Variants in RCAN2 observed in about 807,000 individuals in gnomAD.
The protein encoded by RCAN2 is calcipressin-2.
RCAN2 carries 9 observed loss-of-function variants against 23.6 expected under a neutral mutation model. The ratio of observed to expected loss-of-function variants is 0.38; its 90% CI spans 0.23 to 0.67. The LOEUF (loss-of-function observed/expected upper bound fraction) is 0.67. Ranked by LOEUF, RCAN2 falls within the 30% of genes least tolerant of loss-of-function variation. RCAN2 has a pLI of 0.51. For synonymous variants in RCAN2, 109 were observed against 115.7 expected, an observed-to-expected ratio of 0.94 and a Z score of 0.37; for missense variants, 273 against 302.3, an observed-to-expected ratio of 0.90 and a Z score of 0.72.
chr6:46,390,535 T>C (rs1306891608), intron 2 of RCAN2, among the ~76,000 whole-genome samples: 1 of 152,252 alleles, frequency 6.6e-6, no homozygotes, highest in African/African-American at 2.4e-5. Flanking sequence ...ACGTTATTTT[T>C]ACCTAATGCA....
intron 1 of RCAN2, among the ~76,000 whole-genome samples, chr6:46,466,191 G>A (rs1768376406): frequency 1.3e-5 from 2 of 152,134 alleles, no homozygotes; most frequent in African/African-American, 4.8e-5. Context: ...TTCACAGGAG[G>A]GCAACACTTC....
At chr6:46,325,293 T>C in intron 2 of RCAN2, 12 of 1,336,816 alleles carry the variant, frequency 9.0e-6, no homozygotes, top group Non-Finnish European at 1.1e-5. Context: ...GACTATGAGC[T>C]GAAAACTATT....
At chr6:46,343,662 A>ACCACAC (rs1469392366) in intron 2 of RCAN2, among the ~76,000 whole-genome samples, 3 of 152,220 alleles carry the variant, frequency 2.0e-5, no homozygotes, top group South Asian at 2.1e-4. Context: ...GGCATGAGCC[A>ACCACAC]CCACACCTAG....
chr6:46,223,731 C>T (rs1441860759), intron 4 of RCAN2, among the ~76,000 whole-genome samples: 1 of 152,198 alleles, frequency 6.6e-6, no homozygotes, highest in Non-Finnish European at 1.5e-5. Flanking sequence ...GAGTTCCCCT[C>T]CAGCTCTACA....
chr6:46,243,776 C>T (rs1269229282), intron 4 of RCAN2, among the ~76,000 whole-genome samples: 1 of 144,348 alleles, frequency 6.9e-6, no homozygotes, highest in Non-Finnish European at 1.5e-5. Context: ...TGCCACTGCA[C>T]TCCAGCCTGG....
chr6:46,477,855 G>C (rs529172585), intron 1 of RCAN2, among the ~76,000 whole-genome samples: 1 of 152,098 alleles, frequency 6.6e-6, no homozygotes, highest in Non-Finnish European at 1.5e-5. Flanking sequence ...GAACAGAAAA[G>C]CTCCTACCAT....
At chr6:46,299,245 A>T (rs1271824867) in intron 2 of RCAN2, among the ~76,000 whole-genome samples, 2 of 152,064 alleles carry the variant, frequency 1.3e-5, no homozygotes, top group African/African-American at 4.8e-5. Context: ...AGAAAGATGC[A>T]CCTAACTTAA....
At chr6:46,441,540 A>T (rs914290474) in intron 2 of RCAN2, among the ~76,000 whole-genome samples, 2 of 152,192 alleles carry the variant, frequency 1.3e-5, no homozygotes, top group African/African-American at 4.8e-5. Context: ...ATAGCTAAAA[A>T]TTTTTTGGGG....
chr6:46,474,289 G>T (rs986874674), intron 1 of RCAN2, among the ~76,000 whole-genome samples: 1 of 151,608 alleles, frequency 6.6e-6, no homozygotes, highest in African/African-American at 2.4e-5. Context: ...AGAGGGGAGA[G>T]CTTACTACAT....
intron 1 of RCAN2, among the ~76,000 whole-genome samples, chr6:46,489,930 C>G (rs1052524307): frequency 1.3e-5 from 2 of 152,204 alleles, no homozygotes; most frequent in Non-Finnish European, 2.9e-5. Context: ...TGAAAAGCAG[C>G]CAAATGCTCA....
At chr6:46,315,083 C>T (rs1763392109) in intron 2 of RCAN2, among the ~76,000 whole-genome samples, 1 of 152,182 alleles carries the variant, frequency 6.6e-6, no homozygotes, top group African/African-American at 2.4e-5. Context: ...TTCTGCTATG[C>T]ACATTACTCT....
intron 2 of RCAN2, among the ~76,000 whole-genome samples, chr6:46,343,253 G>GA (rs1764384187): frequency 6.6e-6 from 1 of 151,436 alleles, no homozygotes. Flanking sequence ...TTAAGTCAAG[G>GA]AAAAAAAGAT....
At chr6:46,403,109 C>G (rs1252987169) in intron 2 of RCAN2, among the ~76,000 whole-genome samples, 2 of 151,968 alleles carry the variant, frequency 1.3e-5, no homozygotes, top group Non-Finnish European at 2.9e-5. Context: ...GGACTACAGG[C>G]GCCCGCCACC....
At chr6:46,480,590 C>T (rs571478467) in intron 1 of RCAN2, among the ~76,000 whole-genome samples, 6 of 151,976 alleles carry the variant, frequency 3.9e-5, no homozygotes, top group South Asian at 2.1e-4. Flanking sequence ...TATTCACCCA[C>T]GCAAAATGAA....
chr6:46,255,910 C>A (rs758981577), intron 2 of RCAN2, among the ~76,000 whole-genome samples: 1 of 152,086 alleles, frequency 6.6e-6, no homozygotes, highest in Non-Finnish European at 1.5e-5. Context: ...AGGTAGGGAA[C>A]TGGAGAATAA....
At chr6:46,251,264 G>C (rs6910078) in intron 2 of RCAN2, among the ~76,000 whole-genome samples, 117,757 of 152,036 alleles carry the variant, frequency 0.77, 45,912 homozygotes, top group Non-Finnish European at 0.81. Context: ...TTACGGAATT[G>C]TGTCCCAACA....
chr6:46,255,543 T>A (rs996670532), intron 2 of RCAN2, among the ~76,000 whole-genome samples: 1 of 152,150 alleles, frequency 6.6e-6, no homozygotes, highest in African/African-American at 2.4e-5. Context: ...AGGTTTTCAG[T>A]GTCAGATGCC....
intron 2 of RCAN2, among the ~76,000 whole-genome samples, chr6:46,363,838 A>C (rs1489109036): frequency 6.6e-6 from 1 of 152,176 alleles, no homozygotes; most frequent in African/African-American, 2.4e-5. Flanking sequence ...TCAACTCATT[A>C]ATTAATAAGG....
chr6:46,408,930 TA>T (rs1440048130), intron 2 of RCAN2, among the ~76,000 whole-genome samples: 14 of 152,292 alleles, frequency 9.2e-5, no homozygotes, highest in African/African-American at 3.4e-4. Context: ...GGCCAGTCAT[TA>T]AATAAAATGC....
Sources: allele counts gnomAD v4.1 joint callset (sites outside exome capture counted in the v4.1 genomes callset), GRCh38; gene constraint gnomAD v4.1.1; transcripts MANE v1.5; gene names NCBI Gene and HGNC (gene_info 2026-07-23, HGNC 2026-07-21).